RPTOR: variants seen among roughly 807,000 people sequenced by gnomAD.
RPTOR encodes the protein regulatory associated protein of MTOR complex 1.
Under a neutral mutation model 169.9 loss-of-function variants are expected in RPTOR, and 21 were observed. The observed-to-expected ratio is 0.12, with a 90% confidence interval of 0.09 to 0.18. The LOEUF (loss-of-function observed/expected upper bound fraction) is 0.18. Ranked by LOEUF, RPTOR falls within the 10% of genes least tolerant of loss-of-function variation. The probability of loss-of-function intolerance (pLI) is 1.00; values close to 1 mark genes in which losing one functional copy is unlikely to be tolerated. For synonymous variants in RPTOR, 732 were observed against 753.2 expected (o/e 0.97, Z 0.46); for missense variants, 1,133 against 1,855.9 (o/e 0.61, Z 7.16).
At chr17:80,907,963 C>T (rs1351643582) in intron 20 of RPTOR, among the ~76,000 whole-genome samples, 1 of 152,202 alleles carries the variant, frequency 6.6e-6, no homozygotes, top group Non-Finnish European at 1.5e-5. Context: ...CTGTCGTGGA[C>T]GTAGCATGGC....
rs2066331312 is a variant in RPTOR, at chr17:80,726,107, C to T, written c.508-4453C>T. Among the ~76,000 whole-genome samples the T allele has an allele frequency of 6.6e-6, 1 of 152,180 alleles. No homozygotes were observed. Among genetic ancestry groups the T allele is most frequent in the Non-Finnish European group, 1.5e-5 (1 of 68,028 alleles). The stretch of plus-strand genomic sequence containing the variant: ...TGCTGAGAGGGACAGACGCCGCTCA[C>T]AGAGAAGCGACCACAGAGGCCCACA... On this transcript the variant is annotated intron_variant, in intron 4 of 33. Transcript: ENST00000306801. This position sits in a 1 kb window ranked among gnomAD's most constrained non-coding sequence, Gnocchi z 4.5.
chr17:80,580,470 C>T (rs1467095129), intron 1 of RPTOR, among the ~76,000 whole-genome samples: 2 of 152,156 alleles, frequency 1.3e-5, no homozygotes, highest in South Asian at 2.1e-4. Flanking sequence ...ATTAAGTAGA[C>T]GCTTGACCGT....
chr17:80,590,441 G>A (rs2065095705), intron 1 of RPTOR, among the ~76,000 whole-genome samples: 1 of 148,758 alleles, frequency 6.7e-6, no homozygotes, highest in Non-Finnish European at 1.5e-5. Flanking sequence ...TGTCTTTAAT[G>A]GTTGAGCCGT....
chr17:80,790,236 C>T (rs1011370383), intron 6 of RPTOR, among the ~76,000 whole-genome samples: 13 of 152,192 alleles, frequency 8.5e-5, no homozygotes, highest in African/African-American at 3.1e-4. Flanking sequence ...TTCAGGCAAA[C>T]GTGGGCCTCA....
At chr17:80,643,877 C>A (rs573247320) in intron 3 of RPTOR, 67 bp downstream of exon 3, 602 of 1,246,392 alleles carry the variant, frequency 4.8e-4, no homozygotes, top group Non-Finnish European at 6.5e-4. Context: ...TGGTTTCCAA[C>A]ACTCTTTGGA....
chr17:80,621,979 C>A (rs1026007475), intron 1 of RPTOR, among the ~76,000 whole-genome samples: 2 of 152,208 alleles, frequency 1.3e-5, no homozygotes, highest in African/African-American at 2.4e-5. Flanking sequence ...AGATTCGGCC[C>A]GTTAATGCTG....
chr17:80,825,871 G>C (rs1341459592), intron 9 of RPTOR, among the ~76,000 whole-genome samples: 1 of 152,266 alleles, frequency 6.6e-6, no homozygotes, highest in Admixed American at 6.5e-5. Flanking sequence ...CTTCCCTTTC[G>C]GGCGCGTTCT....
At chr17:80,849,341 C>T (rs1335136583) in intron 11 of RPTOR, among the ~76,000 whole-genome samples, 2 of 152,186 alleles carry the variant, frequency 1.3e-5, no homozygotes, top group Non-Finnish European at 2.9e-5. Flanking sequence ...GGGTCACGCA[C>T]GGTGTCTCAT....
intron 1 of RPTOR, among the ~76,000 whole-genome samples, chr17:80,614,478 G>A (rs1180460068): frequency 6.6e-6 from 1 of 152,196 alleles, no homozygotes; most frequent in African/African-American, 2.4e-5. Context: ...TGGCTTCTGC[G>A]TTGCCTTTGC....
At chr17:80,696,768 C>A (rs191232242) in intron 3 of RPTOR, among the ~76,000 whole-genome samples, 8 of 152,308 alleles carry the variant, frequency 5.3e-5, no homozygotes, top group South Asian at 4.1e-4. Context: ...AGCCAGCCCC[C>A]CCAAGCACCA....
At chr17:80,822,898 CGTGT>C (rs75487249) in intron 8 of RPTOR, among the ~76,000 whole-genome samples, 177 bp from the exon 9 acceptor site, 5,511 of 151,944 alleles carry the variant, frequency 0.036, 144 homozygotes, top group East Asian at 0.069. Context: ...CATTTGTGCA[CGTGT>C]GTGTATGTTT....
At chr17:80,737,724 T>A (rs750337008) in intron 5 of RPTOR, among the ~76,000 whole-genome samples, 2 of 152,142 alleles carry the variant, frequency 1.3e-5, no homozygotes, top group Non-Finnish European at 2.9e-5. Context: ...TTTCAAAACA[T>A]TAGAATATCT....
At chr17:80,685,627 A>ATATATTTTTTTTTTTTTT (rs1269766086) in intron 3 of RPTOR, among the ~76,000 whole-genome samples, 1 of 30,686 alleles carries the variant, frequency 3.3e-5, no homozygotes, top group Non-Finnish European at 5.4e-5. Context: ...ATATATATAT[A>ATATATTTTTTTTTTTTTT]TTTTTTTTTT....
chr17:80,957,536 T>A lies in RPTOR; in HGVS notation c.3371-88T>A. The A allele has an allele frequency of 8.0e-7, 1 of 1,248,264 alleles. No homozygotes were observed. The allele number at this position is 1,248,264 out of a possible 1,614,324, so 77.3% of individuals were successfully genotyped here. ...GGTGGCAGGGGTACCTTGTAGCTGC[T>A]GGCCAAATTGCTGCCCAGAGCAGGC... is the stretch of plus-strand genomic sequence containing the variant. On this transcript the variant is annotated intron_variant, in intron 28 of 33. Transcript: ENST00000306801. The surrounding 1 kb of genome is among the most constrained non-coding windows in gnomAD (Gnocchi z 4.6).
intron 26 of RPTOR, among the ~76,000 whole-genome samples, chr17:80,946,321 G>T (rs1286798551): frequency 6.6e-6 from 1 of 152,164 alleles, no homozygotes; most frequent in Non-Finnish European, 1.5e-5. Flanking sequence ...TTTAAAAATT[G>T]TGGTAAAACA....
In RPTOR at chr17:80,924,710, A is replaced by T. The variant is rs544916674; in HGVS notation, c.2809-660A>T. ...CTCTCACTGCACCTGCCCTGAGATC[A>T]TGGGGAGCTCCCTGTGCCAAGACAC... On this transcript the variant is annotated intron_variant, in intron 23 of 33. Coordinates refer to ENST00000306801, the MANE Select transcript of RPTOR (RefSeq NM_020761.3). Among the ~76,000 whole-genome samples, 11 of 152,244 alleles carry T rather than the reference A, an allele frequency of 7.2e-5. No homozygotes were observed. In the South Asian group the frequency reaches 2.3e-3, roughly 32 times the overall value.
chr17:80,648,855 C>G (rs2065617059), intron 3 of RPTOR, among the ~76,000 whole-genome samples: 1 of 152,114 alleles, frequency 6.6e-6, no homozygotes, highest in Non-Finnish European at 1.5e-5. Context: ...AGGGGCGGGT[C>G]TTTCCTGTGC....
intron 32 of RPTOR, 113 bp from the exon 33 acceptor site, chr17:80,962,815 G>A: frequency 1.3e-6 from 2 of 1,533,990 alleles, no homozygotes; most frequent in Non-Finnish European, 1.8e-6. Flanking sequence ...CCTGCCCCGA[G>A]CCAGCCTGTC....
At position 80,545,610 on chromosome 17, in the gene RPTOR, C is replaced by T. The variant is rs188523965; in HGVS notation, c.-20C>T. On this transcript the variant is annotated 5_prime_UTR_variant, in exon 1 of 34. Coordinates refer to ENST00000306801, the MANE Select transcript of RPTOR (RefSeq NM_020761.3). ...CTCGAGCGCTTGCTGCCAAGGACTC[C>T]CCCACCCCCTCCCCCACTGATGGAG... 2 of 1,595,032 alleles carry T rather than the reference C, an allele frequency of 1.3e-6. No homozygotes were observed. Among genetic ancestry groups the T allele is most frequent in the Non-Finnish European group, 1.7e-6 (2 of 1,169,744 alleles).
Sources: allele counts gnomAD v4.1 joint callset (sites outside exome capture counted in the v4.1 genomes callset), GRCh38; gene constraint gnomAD v4.1.1; non-coding constraint Gnocchi (gnomAD v3.1); transcripts MANE v1.5; gene names NCBI Gene and HGNC (gene_info 2026-07-23, HGNC 2026-07-21).